DUSP11: variants seen among roughly 807,000 people sequenced by gnomAD.
DUSP11 encodes dual specificity phosphatase 11.
Under a neutral mutation model 41.4 loss-of-function variants are expected in DUSP11, and 27 were observed. The observed-to-expected ratio is 0.65, with a 90% CI of 0.48 to 0.90. DUSP11 has a LOEUF of 0.90. Ranked by LOEUF, DUSP11 falls within the 40% of genes least tolerant of loss-of-function variation. DUSP11 has a pLI of 0.00. For missense variants in DUSP11, 465 were observed against 461.1 expected, an observed-to-expected ratio of 1.01 and a Z score of -0.08; for synonymous variants, 188 against 159.3, an observed-to-expected ratio of 1.18 and a Z score of -1.35.
At chr2:73,777,933 C>T (rs911529918) in intron 2 of DUSP11, among the ~76,000 whole-genome samples, 10 of 152,206 alleles carry the variant, frequency 6.6e-5, no homozygotes, top group African/African-American at 2.4e-4. Context: ...GAAACTCCTA[C>T]CACTAAAGCA....
intron 3 of DUSP11, 98 bp downstream of exon 3, chr2:73,774,815 G>A (rs1672648626): frequency 1.9e-6 from 2 of 1,072,298 alleles, no homozygotes; most frequent in Non-Finnish European, 1.3e-6. Flanking sequence ...ATCAAAGAAG[G>A]CCAAGCTTCA....
At chr2:73,778,116 T>C (rs1015451858) in intron 2 of DUSP11, among the ~76,000 whole-genome samples, 185 bp downstream of exon 2, 1 of 152,074 alleles carries the variant, frequency 6.6e-6, no homozygotes, top group Non-Finnish European at 1.5e-5. Context: ...AGGGTGTTAA[T>C]TGGTATTTTT....
At chr2:73,775,024 A>G (rs778435641) in exon 3 of DUSP11, 1 of 1,610,478 alleles carries the variant, frequency 6.2e-7, no homozygotes, top group Non-Finnish European at 8.5e-7. Flanking sequence ...ATTCTTCTGG[A>G]GCAAGTTTCT....
exon 7 of DUSP11, chr2:73,766,894 C>T (rs755460943): frequency 1.9e-6 from 3 of 1,612,490 alleles, no homozygotes; most frequent in Non-Finnish European, 2.5e-6. Context: ...TCCCCGGCAC[C>T]TATTGAATAC....
chr2:73,775,549 T>G (rs1348924004), intron 2 of DUSP11, among the ~76,000 whole-genome samples: 17 of 150,776 alleles, frequency 1.1e-4, no homozygotes, highest in African/African-American at 4.2e-4. Context: ...TGGCCTTTTT[T>G]TTTTTTTTTT....
exon 5 of DUSP11, chr2:73,769,296 C>T: frequency 3.1e-6 from 5 of 1,613,506 alleles, no homozygotes; most frequent in Non-Finnish European, 4.2e-6. Context: ...CTGTTTAAAC[C>T]ATGGGTACAG....
At chr2:73,769,720 C>G (rs1672536360) in intron 4 of DUSP11, among the ~76,000 whole-genome samples, 1 of 152,214 alleles carries the variant, frequency 6.6e-6, no homozygotes, top group Non-Finnish European at 1.5e-5. Flanking sequence ...ATATTAAGGA[C>G]AGTTTCCATA....
At chr2:73,777,272 T>C (rs1216547711) in intron 2 of DUSP11, among the ~76,000 whole-genome samples, 2 of 152,136 alleles carry the variant, frequency 1.3e-5, no homozygotes, top group Non-Finnish European at 2.9e-5. Context: ...CCAACAGGCC[T>C]GGCCTGAAAT....
chr2:73,780,099 G>A lies in DUSP11; in HGVS notation c.17C>T (p.Thr6Met), dbSNP rs1273912137. ...GCAGCCACCTACGCCGCGCTCCAGCGTCTCGCTATTGCGCATGTGCCACCG... is the reference window on the plus strand; with the variant it reads ...GCAGCCACCTACGCCGCGCTCCAGCATCTCGCTATTGCGCATGTGCCACCG... Residue 6 changes from threonine to methionine, a missense_variant, in exon 1 of 9, where the codon ACG becomes ATG. By Grantham distance (81) the Thr-to-Met change is moderately conservative. The change creates a new upstream start codon in the 5' untranslated region. Coordinates refer to ENST00000272444, the Ensembl canonical transcript of DUSP11. 5.1e-6 allele frequency: 8 copies of A among 1,563,972 alleles called. No individual in the cohort carries two copies. Among genetic ancestry groups the A allele is most frequent in the Admixed American group, 1.9e-5 (1 of 52,040 alleles).
At chr2:73,764,263 A>G (rs993092591) in intron 8 of DUSP11, among the ~76,000 whole-genome samples, 1 of 152,250 alleles carries the variant, frequency 6.6e-6, no homozygotes, top group Admixed American at 6.5e-5. Context: ...GTTTGTTTAC[A>G]TCTTTTAAAA....
intron 3 of DUSP11, 126 bp downstream of exon 3, chr2:73,774,787 C>G (rs1255319547): frequency 6.8e-5 from 47 of 688,790 alleles, no homozygotes; most frequent in Non-Finnish European, 1.0e-4. Flanking sequence ...ACTTGGTTCT[C>G]TTTTAAACTT....
chr2:73,764,242 T>C (rs1475690212), intron 8 of DUSP11, among the ~76,000 whole-genome samples: 2 of 152,210 alleles, frequency 1.3e-5, no homozygotes, highest in African/African-American at 4.8e-5. Context: ...AAGTGACATG[T>C]TTTTTGAAAT....
chr2:73,779,682 A>C, intron 1 of DUSP11, 192 bp downstream of exon 1: 3 of 814,460 alleles, frequency 3.7e-6, no homozygotes, highest in East Asian at 2.7e-5. Flanking sequence ...GAATATGGAG[A>C]AATCACAGGA....
At chr2:73,769,773 C>T (rs903263642) in intron 4 of DUSP11, among the ~76,000 whole-genome samples, 1 of 152,160 alleles carries the variant, frequency 6.6e-6, no homozygotes, top group Non-Finnish European at 1.5e-5. Context: ...TTCTCTTGTT[C>T]GGTGCTCCAC....
At chr2:73,776,565 C>T (rs1364849306) in intron 2 of DUSP11, among the ~76,000 whole-genome samples, 1 of 152,100 alleles carries the variant, frequency 6.6e-6, no homozygotes, top group Non-Finnish European at 1.5e-5. Context: ...CAGTGTGGTC[C>T]ATTTGTTACA....
chr2:73,778,251 G>T, intron 2 of DUSP11, 50 bp downstream of exon 2: 1 of 1,267,536 alleles, frequency 7.9e-7, no homozygotes, highest in Non-Finnish European at 1.1e-6. Flanking sequence ...GCAGTGTTCT[G>T]CATGGTGAAC....
At position 73,780,047 on chromosome 2, in the gene DUSP11, A is replaced by T. The variant is rs562414734; in HGVS notation, c.69T>A (p.Tyr23Ter). 1 of 1,612,570 alleles carries T rather than the reference A, an allele frequency of 6.2e-7. No individual in the cohort carries two copies. The highest frequency in any genetic ancestry group is 8.5e-7 in the Non-Finnish European group (1 of 1,179,284). The change falls in exon 1 of 9, where the codon TAT becomes TAA. Residue 23 changes from tyrosine to a stop codon, truncating the protein, a stop_gained. Transcript: ENST00000272444. LOFTEE classifies it high-confidence loss of function. Reference sequence around the variant, plus strand: ...CCAGTCCGGCGCCCTCAATGCCAGGATAAGACCCTAAACAGGAAAAGACTC... The same window carrying T: ...CCAGTCCGGCGCCCTCAATGCCAGGTTAAGACCCTAAACAGGAAAAGACTC...
chr2:73,767,707 C>G (rs1360510824), intron 5 of DUSP11: 2 of 155,552 alleles, frequency 1.3e-5, no homozygotes, highest in African/African-American at 4.8e-5. Flanking sequence ...CTCCTGACAA[C>G]AATATTACCT....
intron 8 of DUSP11, 107 bp downstream of exon 8, chr2:73,766,309 CAA>C (rs34279043): frequency 0.023 from 18,778 of 828,532 alleles, 5 homozygotes; most frequent in South Asian, 0.033. Flanking sequence ...ACTCTGTCTC[CAA>C]AAAAAAAAAA....
Sources: allele counts gnomAD v4.1 joint callset (sites outside exome capture counted in the v4.1 genomes callset), GRCh38; gene constraint gnomAD v4.1.1; transcripts MANE v1.5; gene names NCBI Gene and HGNC (gene_info 2026-07-23, HGNC 2026-07-21).